The following TESK2 variants were observed in gnomAD, a reference collection of about 807,000 sequenced individuals.
TESK2 encodes testis associated actin remodelling kinase 2, also known as dual specificity testis-specific protein kinase 2.
In TESK2, 39 loss-of-function variants were observed where a neutral mutation model predicts 57.1. The observed-to-expected ratio is 0.68, with a 90% CI of 0.53 to 0.89. The LOEUF (loss-of-function observed/expected upper bound fraction) is 0.89, where lower values mean the gene tolerates loss of function less well. Among genes scored for constraint, TESK2 ranks in the 40% least tolerant of loss-of-function variants. The pLI, the probability that TESK2 is intolerant of heterozygous loss-of-function variation, is 0.00. For missense variants in TESK2, 646 were observed against 732.1 expected, an observed-to-expected ratio of 0.88 and a Z score of 1.36; for synonymous variants, 249 against 267.9, an observed-to-expected ratio of 0.93 and a Z score of 0.69.
At chr1:45,382,155 G>A (rs575137797) in intron 4 of TESK2, among the ~76,000 whole-genome samples, 2 of 152,170 alleles carry the variant, frequency 1.3e-5, no homozygotes, top group Admixed American at 1.3e-4. Flanking sequence ...TTATAGGCAT[G>A]AGCCACTGCA....
chr1:45,415,008 C>A (rs915702109), intron 3 of TESK2: 3 of 872,588 alleles, frequency 3.4e-6, no homozygotes, highest in South Asian at 1.4e-5. Context: ...GCCAGGAGCC[C>A]CGTACTATCA....
chr1:45,398,999 A>AAC (rs1557557833), intron 3 of TESK2: 14 of 433,856 alleles, frequency 3.2e-5, no homozygotes, highest in Non-Finnish European at 5.0e-5. Context: ...AAAAAAAAAA[A>AAC]AAAAAAAACA....
At chr1:45,423,375 G>A (rs893113738) in intron 2 of TESK2, among the ~76,000 whole-genome samples, 1 of 151,976 alleles carries the variant, frequency 6.6e-6, no homozygotes, top group African/African-American at 2.4e-5. Context: ...GGCTAACATG[G>A]TGAAATCCCG....
intron 1 of TESK2, among the ~76,000 whole-genome samples, chr1:45,489,626 C>A (rs1404539362): frequency 6.6e-6 from 1 of 152,166 alleles, no homozygotes; most frequent in Admixed American, 6.5e-5. Context: ...CCCGTCTCTA[C>A]TAAAAGTACA....
chr1:45,458,531 C>G (rs1570751282), intron 1 of TESK2, among the ~76,000 whole-genome samples: 1 of 150,782 alleles, frequency 6.6e-6, no homozygotes, highest in African/African-American at 2.4e-5. Context: ...TGCCACTGCA[C>G]TCCAGCCTGG....
rs765003749 is a variant in TESK2 at position 45,347,088 on chromosome 1, C to A, written c.709-26G>T. On this transcript the variant is annotated intron_variant, in intron 7 of 10. Coordinates refer to ENST00000372086, the MANE Select transcript of TESK2 (RefSeq NM_007170.3). ...CTGGTGGGTAGTCGGACTTTGGTTT[C>A]CCTCTTAATGGGTTGAGGGGTAGGG... The A allele has an allele frequency of 2.5e-6, 4 of 1,609,534 alleles. No homozygotes were observed. The African/African-American group carries it at 5.3e-5, about 22-fold the overall frequency.
chr1:45,377,485 C>A (rs1373874240), intron 4 of TESK2, among the ~76,000 whole-genome samples: 1 of 147,450 alleles, frequency 6.8e-6, no homozygotes, highest in African/African-American at 2.5e-5. Flanking sequence ...GTGGTGCGAT[C>A]CCGGCTCACT....
chr1:45,461,369 A>C (rs1451629672), intron 1 of TESK2, among the ~76,000 whole-genome samples: 3 of 152,136 alleles, frequency 2.0e-5, no homozygotes, highest in Non-Finnish European at 4.4e-5. Context: ...ACAACAACAA[A>C]AAAACCCAGC....
intron 1 of TESK2, among the ~76,000 whole-genome samples, chr1:45,474,539 C>A (rs982411453): frequency 6.6e-6 from 1 of 151,994 alleles, no homozygotes; most frequent in Non-Finnish European, 1.5e-5. Context: ...ATGGTATGAT[C>A]TCAGCTCAGT....
chr1:45,416,987 C>T (rs1399575311), intron 3 of TESK2, among the ~76,000 whole-genome samples: 4 of 151,614 alleles, frequency 2.6e-5, no homozygotes, highest in South Asian at 4.2e-4. Context: ...GGGGTTTCAC[C>T]GTGTTAGCCA....
intron 2 of TESK2, among the ~76,000 whole-genome samples, chr1:45,430,515 T>C (rs1332689895): frequency 6.6e-6 from 1 of 151,880 alleles, no homozygotes; most frequent in Non-Finnish European, 1.5e-5. Flanking sequence ...ACAGAAAAAA[T>C]AGAGTCGTGA....
chr1:45,452,321 A>C (rs2149297930), intron 2 of TESK2, among the ~76,000 whole-genome samples: 1 of 152,288 alleles, frequency 6.6e-6, no homozygotes, highest in South Asian at 2.1e-4. Context: ...TTCACTGTGA[A>C]ATGCAATGGT....
At chr1:45,368,792 A>C (rs187892927) in intron 4 of TESK2, among the ~76,000 whole-genome samples, 1 of 151,982 alleles carries the variant, frequency 6.6e-6, no homozygotes, top group African/African-American at 2.4e-5. Flanking sequence ...CTTGTTGCCC[A>C]GGCTGGAGTG....
intron 1 of TESK2, among the ~76,000 whole-genome samples, chr1:45,489,173 G>T (rs188096228): frequency 6.6e-6 from 1 of 151,362 alleles, no homozygotes; most frequent in Non-Finnish European, 1.5e-5. Context: ...CATTCAGCTG[G>T]ACCTCGAAAG....
chr1:45,348,139 A>G, intron 5 of TESK2, 139 bp from the exon 6 acceptor site: 1 of 667,360 alleles, frequency 1.5e-6, no homozygotes, highest in Non-Finnish European at 2.7e-6. Context: ...AGCTGACCCC[A>G]CTGGTCAGGT....
chr1:45,353,363 G>T (rs1268680763), intron 5 of TESK2, among the ~76,000 whole-genome samples: 1 of 152,194 alleles, frequency 6.6e-6, no homozygotes, highest in African/African-American at 2.4e-5. Context: ...CTGGTTCCCA[G>T]TTTCTACTTG....
intron 4 of TESK2, among the ~76,000 whole-genome samples, chr1:45,376,211 CTCTT>C (rs1648416539): frequency 8.3e-6 from 1 of 121,208 alleles, no homozygotes; most frequent in Non-Finnish European, 1.6e-5. Flanking sequence ...TTCTTTCTCT[CTCTT>C]TTTTTTTTTT....
At chr1:45,355,569 G>A in intron 4 of TESK2, 120 bp from the exon 5 acceptor site, 2 of 1,114,102 alleles carry the variant, frequency 1.8e-6, no homozygotes, top group Non-Finnish European at 2.5e-6. Flanking sequence ...AGTTACTGAG[G>A]GCTTATTCTG....
chr1:45,477,530 G>A (rs1017989851), intron 1 of TESK2, among the ~76,000 whole-genome samples: 1 of 151,770 alleles, frequency 6.6e-6, no homozygotes, highest in East Asian at 1.9e-4. Context: ...GCTGAGACGG[G>A]AGAATCACTT....
Sources: gnomAD v4.1 joint callset for allele counts (sites outside exome capture counted in the v4.1 genomes callset) on GRCh38, gnomAD v4.1.1 for gene constraint, MANE v1.5 for transcripts, NCBI Gene and HGNC (gene_info 2026-07-23, HGNC 2026-07-21) for gene names.